LHFPL6: variants seen among roughly 807,000 people sequenced by gnomAD.
The protein encoded by LHFPL6 is LHFPL tetraspan subfamily member 6 protein.
A neutral mutation model predicts 20.6 loss-of-function variants in LHFPL6; 9 were observed. The observed-to-expected ratio is 0.44, with a 90% CI of 0.26 to 0.76. The LOEUF is 0.76. LHFPL6 is among the 30% of genes least tolerant of loss of function. The probability of loss-of-function intolerance (pLI) is 0.20; values close to 1 mark genes in which losing one functional copy is unlikely to be tolerated. For missense variants in LHFPL6, 218 were observed against 253.5 expected, an observed-to-expected ratio of 0.86 and a Z score of 0.95; for synonymous variants, 105 against 98.7, an observed-to-expected ratio of 1.06 and a Z score of -0.38.
intron 2 of LHFPL6, among the ~76,000 whole-genome samples, chr13:39,574,031 G>A (rs1156455332): frequency 1.3e-5 from 2 of 152,138 alleles, no homozygotes; most frequent in Non-Finnish European, 1.5e-5. Context: ...AGACAGGGAA[G>A]GGGCATATTA....
intron 3 of LHFPL6, among the ~76,000 whole-genome samples, chr13:39,357,964 T>C (rs1869771515): frequency 6.6e-6 from 1 of 152,154 alleles, no homozygotes. Context: ...CAAAGCAATC[T>C]ACCAACTTTG....
intron 2 of LHFPL6, among the ~76,000 whole-genome samples, chr13:39,559,691 G>A (rs990854487): frequency 6.6e-6 from 1 of 152,158 alleles, no homozygotes; most frequent in East Asian, 1.9e-4. Context: ...CGGGTGAAAA[G>A]TACGGATTAT....
At chr13:39,592,000 G>A (rs58568755) in intron 2 of LHFPL6, among the ~76,000 whole-genome samples, 4,881 of 152,012 alleles carry the variant, frequency 0.032, 272 homozygotes, top group African/African-American at 0.11. Flanking sequence ...GGAGGCCAAG[G>A]CGGGAGAATC....
chr13:39,441,376 G>A (rs763903857), intron 2 of LHFPL6, among the ~76,000 whole-genome samples: 15 of 151,924 alleles, frequency 9.9e-5, no homozygotes, highest in Non-Finnish European at 1.8e-4. Context: ...CCTAGACATA[G>A]GGATTTAAAA....
intron 2 of LHFPL6, among the ~76,000 whole-genome samples, chr13:39,524,190 T>C (rs1870212195): frequency 6.6e-6 from 1 of 152,122 alleles, no homozygotes; most frequent in Admixed American, 6.5e-5. Context: ...ATTCAACAAA[T>C]ATCAATTTAG....
chr13:39,571,812 G>A (rs899107789), intron 2 of LHFPL6, among the ~76,000 whole-genome samples: 4 of 152,232 alleles, frequency 2.6e-5, no homozygotes, highest in African/African-American at 7.2e-5. Flanking sequence ...TCACAGGGGC[G>A]CCACCACATT....
At chr13:39,364,322 C>T (rs1454358332) in intron 3 of LHFPL6, among the ~76,000 whole-genome samples, 1 of 152,146 alleles carries the variant, frequency 6.6e-6, no homozygotes, top group Non-Finnish European at 1.5e-5. Flanking sequence ...TGTGGGGTTT[C>T]CCTTTCATAC....
At chr13:39,458,838 G>A (rs1457315769) in intron 2 of LHFPL6, among the ~76,000 whole-genome samples, 1 of 152,008 alleles carries the variant, frequency 6.6e-6, no homozygotes, top group Non-Finnish European at 1.5e-5. Context: ...ACATGAGAGT[G>A]CCAATATTAT....
At chr13:39,428,587 C>T (rs991452860) in intron 2 of LHFPL6, among the ~76,000 whole-genome samples, 3 of 152,092 alleles carry the variant, frequency 2.0e-5, no homozygotes, top group Non-Finnish European at 4.4e-5. Context: ...CTTTTCTACT[C>T]TTCTTTTTCT....
intron 2 of LHFPL6, among the ~76,000 whole-genome samples, chr13:39,400,246 T>A (rs1411155922): frequency 6.6e-6 from 1 of 152,236 alleles, no homozygotes; most frequent in African/African-American, 2.4e-5. Flanking sequence ...AATTGGTATT[T>A]GCTGTTGATA....
At chr13:39,530,571 C>G (rs1454005596) in intron 2 of LHFPL6, among the ~76,000 whole-genome samples, 2 of 152,038 alleles carry the variant, frequency 1.3e-5, no homozygotes, top group East Asian at 3.9e-4. Flanking sequence ...ATAGTGTCAC[C>G]CTGGAACTGC....
At position 39,467,252 on chromosome 13, in the gene LHFPL6, C is replaced by A. The variant is rs149037909; in HGVS notation, c.386-88726G>T. Among the ~76,000 whole-genome samples the A allele has an allele frequency of 2.4e-4, 36 of 152,230 alleles. No homozygotes were observed. The East Asian group carries it at 6.9e-3, about 29-fold the overall frequency. On this transcript the variant is annotated intron_variant, in intron 2 of 3. Coordinates refer to ENST00000379589, the MANE Select transcript of LHFPL6 (RefSeq NM_005780.3). Reference sequence around the variant, plus strand: ...AGTCTCCTGAGTCTGGGTGCCACGTCTTATTTGTGTTTTTGGTACCATGCC... The same window carrying A: ...AGTCTCCTGAGTCTGGGTGCCACGTATTATTTGTGTTTTTGGTACCATGCC...
At chr13:39,473,499 A>ATT (rs5802991) in intron 2 of LHFPL6, among the ~76,000 whole-genome samples, 2,345 of 149,602 alleles carry the variant, frequency 0.016, 59 homozygotes, top group African/African-American at 0.054. Flanking sequence ...AGGATGTGGC[A>ATT]TTTTTTTTTT....
At chr13:39,348,432 G>T (rs1022192664) in intron 3 of LHFPL6, among the ~76,000 whole-genome samples, 1 of 152,058 alleles carries the variant, frequency 6.6e-6, no homozygotes. Flanking sequence ...CTTCCCTCCG[G>T]GTGGAACAAA....
intron 2 of LHFPL6, among the ~76,000 whole-genome samples, chr13:39,523,664 A>G (rs1393104582): frequency 6.6e-6 from 1 of 152,202 alleles, no homozygotes; most frequent in Non-Finnish European, 1.5e-5. Context: ...AGAACTTTGC[A>G]ATGAGATGTA....
intron 2 of LHFPL6, among the ~76,000 whole-genome samples, chr13:39,576,269 T>TA (rs760764758): frequency 3.0e-4 from 45 of 152,300 alleles, no homozygotes; most frequent in Admixed American, 2.6e-4. Flanking sequence ...TCAGTAAAAA[T>TA]ACTGGGGCCA....
At chr13:39,520,612 T>A (rs1870078174) in intron 2 of LHFPL6, among the ~76,000 whole-genome samples, 1 of 152,198 alleles carries the variant, frequency 6.6e-6, no homozygotes, top group Non-Finnish European at 1.5e-5. Flanking sequence ...TTATCAGAAC[T>A]GTGGTCAAAG....
intron 3 of LHFPL6, among the ~76,000 whole-genome samples, chr13:39,350,467 T>G (rs1289182706): frequency 1.3e-5 from 2 of 152,350 alleles, no homozygotes; most frequent in East Asian, 3.9e-4. Flanking sequence ...TTCTGCATAC[T>G]CTTCATGAGT....
At chr13:39,555,433 G>A (rs1381809685) in intron 2 of LHFPL6, among the ~76,000 whole-genome samples, 1 of 151,208 alleles carries the variant, frequency 6.6e-6, no homozygotes, top group East Asian at 2.0e-4. Flanking sequence ...GCATTCAGAT[G>A]AAAGTTCTGT....
Sources: gnomAD v4.1 joint callset for allele counts (sites outside exome capture counted in the v4.1 genomes callset) on GRCh38, gnomAD v4.1.1 for gene constraint, MANE v1.5 for transcripts, NCBI Gene and HGNC (gene_info 2026-07-23, HGNC 2026-07-21) for gene names.